Variants in DPH6 observed in about 807,000 individuals in gnomAD.
DPH6 encodes the protein diphthamine biosynthesis 6, also known as diphthine--ammonia ligase.
DPH6 carries 33 observed loss-of-function variants against 38.2 expected under a neutral mutation model. The ratio of observed to expected loss-of-function variants is 0.86; its 90% CI spans 0.65 to 1.15. The LOEUF (loss-of-function observed/expected upper bound fraction) is 1.15, where lower values mean the gene tolerates loss of function less well. Among genes scored for constraint, DPH6 ranks in the 50% most tolerant of loss-of-function variants. The probability of loss-of-function intolerance (pLI) is 0.00; values close to 1 mark genes in which losing one functional copy is unlikely to be tolerated. For synonymous variants in DPH6, 108 were observed against 103.0 expected, an observed-to-expected ratio of 1.05 and a Z score of -0.30; for missense variants, 325 against 320.0, an observed-to-expected ratio of 1.02 and a Z score of -0.12.
intron 3 of DPH6, among the ~76,000 whole-genome samples, chr15:35,254,219 T>G (rs112502056): frequency 7.7e-4 from 117 of 152,210 alleles, no homozygotes; most frequent in African/African-American, 2.7e-3. Context: ...AAAGAATGAG[T>G]TGACATACCA....
At chr15:35,463,636 G>A (rs983726263) in intron 3 of DPH6, among the ~76,000 whole-genome samples, 1 of 152,062 alleles carries the variant, frequency 6.6e-6, no homozygotes, top group African/African-American at 2.4e-5. Flanking sequence ...TGTAGAAAGA[G>A]GACCAGAAAT....
intron 3 of DPH6, among the ~76,000 whole-genome samples, chr15:35,269,959 C>CT (rs547512445): frequency 2.7e-3 from 404 of 149,868 alleles, no homozygotes; most frequent in Non-Finnish European, 4.8e-3. Context: ...CCCAGCTAAT[C>CT]TTTTTTGTAT....
chr15:35,474,607 A>G (rs1263577916), intron 3 of DPH6, among the ~76,000 whole-genome samples: 1 of 152,174 alleles, frequency 6.6e-6, no homozygotes, highest in East Asian at 1.9e-4. Flanking sequence ...GAACCATGAG[A>G]AAAAGAAATT....
At chr15:35,358,392 TTTC>T (rs2052586229) in intron 3 of DPH6, among the ~76,000 whole-genome samples, 1 of 152,272 alleles carries the variant, frequency 6.6e-6, no homozygotes, top group East Asian at 1.9e-4. Context: ...AAATCAGGGA[TTTC>T]TTCTTCATTT....
chr15:35,353,594 A>G (rs1162292114), intron 3 of DPH6, among the ~76,000 whole-genome samples: 1 of 152,106 alleles, frequency 6.6e-6, no homozygotes, highest in Non-Finnish European at 1.5e-5. Flanking sequence ...AGTTGTAGAT[A>G]TGTGGCGTTA....
the DPH6 span, among the ~76,000 whole-genome samples, chr15:35,203,374 A>T: frequency 2.5e-4 from 38 of 151,452 alleles, no homozygotes; most frequent in Admixed American, 1.6e-3. Context: ...TGATATATTT[A>T]AAAAAAAGAA....
chr15:35,351,782 T>G (rs2052513606), intron 3 of DPH6, among the ~76,000 whole-genome samples: 1 of 151,210 alleles, frequency 6.6e-6, no homozygotes, highest in Non-Finnish European at 1.5e-5. Context: ...AGTGCAGTGG[T>G]GCAATTATGG....
the DPH6 span, among the ~76,000 whole-genome samples, chr15:35,197,951 C>A: frequency 6.6e-6 from 1 of 152,074 alleles, no homozygotes; most frequent in Non-Finnish European, 1.5e-5. Context: ...TTGCATTTCC[C>A]TTTTTGCATA....
chr15:35,245,889 T>G (rs2051634753), intron 3 of DPH6, among the ~76,000 whole-genome samples: 1 of 152,164 alleles, frequency 6.6e-6, no homozygotes, highest in Admixed American at 6.5e-5. Context: ...GTCTGACAGG[T>G]AAGTGTCAGG....
At chr15:35,521,218 T>C (rs1429160854) in intron 3 of DPH6, 40 of 985,606 alleles carry the variant, frequency 4.1e-5, no homozygotes, top group Non-Finnish European at 4.8e-5. Context: ...TTTTGCTTAG[T>C]TTCCTCCTAA....
At chr15:35,352,374 C>T (rs2052521628) in intron 3 of DPH6, among the ~76,000 whole-genome samples, 1 of 152,178 alleles carries the variant, frequency 6.6e-6, no homozygotes, top group Non-Finnish European at 1.5e-5. Flanking sequence ...TGGTGTGCTG[C>T]ACCCATTAAC....
At chr15:35,510,954 C>G (rs939029712) in intron 3 of DPH6, among the ~76,000 whole-genome samples, 13 of 152,118 alleles carry the variant, frequency 8.5e-5, no homozygotes, top group African/African-American at 2.4e-4. Flanking sequence ...TATGAAGAAA[C>G]TGACTTTGAA....
At chr15:35,330,455 G>A (rs566639542), downstream of DPH6, among the ~76,000 whole-genome samples, 4 of 152,274 alleles carry the variant, frequency 2.6e-5, no homozygotes, top group Admixed American at 6.6e-5. Context: ...TCTGGCTCAC[G>A]TGATTCCCAA....
chr15:35,240,504 C>T (rs2051590080), intron 3 of DPH6, among the ~76,000 whole-genome samples: 1 of 143,262 alleles, frequency 7.0e-6, no homozygotes, highest in Non-Finnish European at 1.5e-5. Context: ...CGCTCCTCCA[C>T]CCTGTAATCT....
In DPH6 at chr15:35,527,422, GAAATAA is replaced by G. The variant is rs1295450174; in HGVS notation, c.312+10846_312+10851del. Among the ~76,000 whole-genome samples the G allele has an allele frequency of 5.9e-5, 9 of 152,124 alleles. No individual in the cohort carries two copies. In the South Asian group the frequency reaches 1.9e-3, roughly 32 times the overall value. On this transcript the variant is annotated intron_variant, in intron 3 of 8. Coordinates refer to ENST00000256538, the MANE Select transcript of DPH6 (RefSeq NM_080650.4). ...CTAGGAGCTGTATGGAGTCTCATAG[GAAATAA>G]AAATAATGAAATATAATCCCTATTC...
At chr15:35,324,935 T>C (rs984233859) in intron 3 of DPH6, among the ~76,000 whole-genome samples, 4 of 152,148 alleles carry the variant, frequency 2.6e-5, no homozygotes, top group African/African-American at 7.2e-5. Flanking sequence ...CTTGGGATAA[T>C]AGCAGAAGGA....
intron 3 of DPH6, among the ~76,000 whole-genome samples, chr15:35,307,794 C>T (rs539423845): frequency 4.6e-5 from 7 of 152,144 alleles, no homozygotes; most frequent in Middle Eastern, 3.4e-3. Context: ...CACACACACA[C>T]ATATATTCAG....
At chr15:35,491,705 ATCTT>A (rs2054481998) in intron 3 of DPH6, among the ~76,000 whole-genome samples, 1 of 105,076 alleles carries the variant, frequency 9.5e-6, no homozygotes, top group African/African-American at 2.6e-5. Flanking sequence ...ACATATAAAT[ATCTT>A]TATATATGTA....
intron 3 of DPH6, among the ~76,000 whole-genome samples, chr15:35,505,611 G>T (rs954347553): frequency 5.9e-5 from 9 of 151,916 alleles, no homozygotes; most frequent in African/African-American, 2.2e-4. Flanking sequence ...TTACCGTCTT[G>T]CTTATACTCT....
Sources: allele counts gnomAD v4.1 joint callset (sites outside exome capture counted in the v4.1 genomes callset), GRCh38; gene constraint gnomAD v4.1.1; transcripts MANE v1.5; gene names NCBI Gene and HGNC (gene_info 2026-07-23, HGNC 2026-07-21).